CNBD2: variants seen among roughly 807,000 people sequenced by gnomAD.
CNBD2 encodes cyclic nucleotide-binding domain-containing protein 2.
Under a neutral mutation model 63.7 loss-of-function variants are expected in CNBD2, and 64 were observed. The ratio of observed to expected loss-of-function variants is 1.00; its 90% CI spans 0.82 to 1.24. The LOEUF is 1.24. CNBD2 is among the 50% of genes most tolerant of loss of function. The pLI is 0.00. For missense variants in CNBD2, 691 were observed against 713.5 expected (o/e 0.97, Z 0.36); for synonymous variants, 229 against 255.4 (o/e 0.90, Z 0.99).
At chr20:36,005,619 A>T (rs1321992370) in intron 8 of CNBD2, among the ~76,000 whole-genome samples, 1 of 152,078 alleles carries the variant, frequency 6.6e-6, no homozygotes, top group East Asian at 1.9e-4. Context: ...GTTAAGCCAG[A>T]CCTACTGCTT....
chr20:36,024,976 A>G (rs1296745671), intron 11 of CNBD2, among the ~76,000 whole-genome samples: 1 of 152,230 alleles, frequency 6.6e-6, no homozygotes, highest in South Asian at 2.1e-4. Context: ...AGATGTTCAT[A>G]GCAGCCATAT....
chr20:35,979,751 C>T (rs1454957826), intron 3 of CNBD2, among the ~76,000 whole-genome samples: 1 of 152,148 alleles, frequency 6.6e-6, no homozygotes, highest in Non-Finnish European at 1.5e-5. Flanking sequence ...CACGAGAAAA[C>T]CCAGGGGACA....
intron 4 of CNBD2, among the ~76,000 whole-genome samples, chr20:35,983,221 G>C (rs564444214): frequency 5.5e-4 from 69 of 126,318 alleles, no homozygotes; most frequent in Admixed American, 1.4e-3. Context: ...TCCCACCTTG[G>C]CCTCCCAAAG....
intron 8 of CNBD2, among the ~76,000 whole-genome samples, chr20:35,998,046 T>A (rs868622839): frequency 6.9e-6 from 1 of 144,698 alleles, no homozygotes; most frequent in African/African-American, 2.5e-5. Flanking sequence ...TTTTCTTTTT[T>A]TTTTTTTTTT....
At chr20:35,981,107 T>G (rs2056593424) in intron 4 of CNBD2, among the ~76,000 whole-genome samples, 1 of 152,156 alleles carries the variant, frequency 6.6e-6, no homozygotes, top group Non-Finnish European at 1.5e-5. Context: ...AATCAGGGTG[T>G]GATTGGTGGA....
chr20:36,026,872 C>T (rs2057288414), intron 11 of CNBD2, among the ~76,000 whole-genome samples: 2 of 152,258 alleles, frequency 1.3e-5, no homozygotes, highest in African/African-American at 4.8e-5. Flanking sequence ...GTTTGCACAG[C>T]TCTTTCCCTT....
intron 8 of CNBD2, among the ~76,000 whole-genome samples, chr20:36,003,284 C>A (rs1348745150): frequency 6.6e-6 from 1 of 152,100 alleles, no homozygotes; most frequent in African/African-American, 2.4e-5. Flanking sequence ...GTTTCCTTTT[C>A]ATATAGTTTA....
At chr20:35,975,820 G>A (rs1224741499) in intron 2 of CNBD2, 129 bp from the exon 3 acceptor site, 3 of 746,138 alleles carry the variant, frequency 4.0e-6, no homozygotes, top group Non-Finnish European at 6.7e-6. Flanking sequence ...TGAAAGGGCC[G>A]GCTGCTATGA....
chr20:36,007,093 A>T (rs1213873387), intron 8 of CNBD2, among the ~76,000 whole-genome samples: 1 of 152,022 alleles, frequency 6.6e-6, no homozygotes, highest in Non-Finnish European at 1.5e-5. Flanking sequence ...GGAGGCTGAG[A>T]CAGGAGAATG....
At chr20:35,986,175 A>G (rs1209566787) in intron 6 of CNBD2, among the ~76,000 whole-genome samples, 1 of 152,214 alleles carries the variant, frequency 6.6e-6, no homozygotes, top group African/African-American at 2.4e-5. Context: ...TAAAAATCCA[A>G]TGAAGTATCT....
intron 7 of CNBD2, 114 bp from the exon 8 acceptor site, chr20:35,994,924 T>G (rs1425527948): frequency 2.9e-6 from 2 of 688,312 alleles, no homozygotes; most frequent in Middle Eastern, 2.5e-4. Flanking sequence ...CCACTTGCAT[T>G]AAGCAAATAA....
chr20:35,973,051 G>A, intron 2 of CNBD2: 1 of 490,416 alleles, frequency 2.0e-6, no homozygotes, highest in Non-Finnish European at 3.6e-6. Flanking sequence ...CAGGCCTGCT[G>A]CCAAAACTCA....
In CNBD2 at chr20:35,975,904, C is replaced by A; in HGVS notation, c.190-45C>A. ...GGCTCTAGATGCAAAGTTCTAGGGG[C>A]AGTCTTGCTGATTCTCCCTCTTCTC... On this transcript the variant is annotated intron_variant, in intron 2 of 11. Transcript: ENST00000373973. 2.6e-6 allele frequency: 4 copies of A among 1,561,224 alleles called. No homozygotes were observed. The Middle Eastern group carries it at 6.7e-4, about 263-fold the overall frequency.
chr20:35,956,189 T>TA (rs762034989), downstream of CNBD2, among the ~76,000 whole-genome samples: 60 of 152,354 alleles, frequency 3.9e-4, no homozygotes, highest in Non-Finnish European at 5.1e-4. Context: ...ATATAAAACT[T>TA]ACCCCTACCA....
At chr20:35,990,756 G>C (rs1364068500) in intron 7 of CNBD2, among the ~76,000 whole-genome samples, 1 of 152,146 alleles carries the variant, frequency 6.6e-6, no homozygotes, top group East Asian at 1.9e-4. Flanking sequence ...TTTGAGACCA[G>C]CCTGGCCAAC....
chr20:35,976,401 A>G (rs1293529681), intron 3 of CNBD2, among the ~76,000 whole-genome samples: 1 of 152,156 alleles, frequency 6.6e-6, no homozygotes, highest in Non-Finnish European at 1.5e-5. Context: ...ATTCTCTGAG[A>G]GATGCTGGGC....
At chr20:35,956,250 C>T (rs936235475), downstream of CNBD2, among the ~76,000 whole-genome samples, 2 of 152,222 alleles carry the variant, frequency 1.3e-5, no homozygotes, top group Non-Finnish European at 2.9e-5. Context: ...AAATCATTTC[C>T]ATAGCCTGAA....
Position 35,981,102 on chromosome 20 carries a change from G to A in CNBD2, c.407+480G>A, listed in dbSNP as rs1189620073. ...AGGGTAGTTTCCCAAAGGAGAATCA[G>A]GGTGTGATTGGTGGAAAAATATGAC... On this transcript the variant is annotated intron_variant, in intron 4 of 11. Transcript: ENST00000373973. 4.6e-5 allele frequency among the ~76,000 whole-genome samples: 7 copies of A among 152,326 alleles called. No homozygotes were observed. In the South Asian group the frequency reaches 1.4e-3, roughly 32 times the overall value.
intron 5 of CNBD2, 114 bp downstream of exon 5, chr20:35,984,252 T>C: frequency 9.1e-7 from 1 of 1,102,852 alleles, no homozygotes; most frequent in Non-Finnish European, 1.3e-6. Context: ...TACAAGTCAG[T>C]GTCCCGTGTG....
Sources: gnomAD v4.1 joint callset for allele counts (sites outside exome capture counted in the v4.1 genomes callset) on GRCh38, gnomAD v4.1.1 for gene constraint, MANE v1.5 for transcripts, NCBI Gene and HGNC (gene_info 2026-07-23, HGNC 2026-07-21) for gene names.